The following KIAA1958 variants were observed in gnomAD, a reference collection of about 807,000 sequenced individuals.
KIAA1958 encodes KIAA1958, also known as uncharacterized protein KIAA1958.
In KIAA1958, 14 loss-of-function variants were observed where a neutral mutation model predicts 47.2. The observed-to-expected ratio is 0.30, with a 90% confidence interval of 0.20 to 0.46. The LOEUF is 0.46. Among genes scored for constraint, KIAA1958 ranks in the 20% least tolerant of loss-of-function variants. The pLI is 1.00. For missense variants in KIAA1958, 803 were observed against 909.2 expected, an observed-to-expected ratio of 0.88 and a Z score of 1.50; for synonymous variants, 354 against 353.3, an observed-to-expected ratio of 1.00 and a Z score of -0.02.
At chr9:112,640,070 T>C (rs906434100) in intron 2 of KIAA1958, among the ~76,000 whole-genome samples, 1 of 152,256 alleles carries the variant, frequency 6.6e-6, no homozygotes. Flanking sequence ...CTCTTAGTTT[T>C]CATTCATTTG....
rs1837269684 is a variant in KIAA1958 at position 112,661,086 on chromosome 9, A to T, written c.*1017A>T. ...AAACACAGATCCCCAAACTTTCTTT[A>T]TTAAAGAGATTTGGAATATTTTTGT... is the stretch of plus-strand genomic sequence containing the variant. On this transcript the variant is annotated 3_prime_UTR_variant, in exon 4 of 4. Transcript: ENST00000337530. 6.6e-6 allele frequency: 1 copy of T among 152,228 alleles called. No homozygotes were observed. The highest frequency in any genetic ancestry group is 1.5e-5 in the Non-Finnish European group (1 of 68,036). 9.4% of individuals were successfully genotyped at this position (152,228 alleles called of 1,614,324 possible).
chr9:112,556,045 C>T (rs1266234539), intron 1 of KIAA1958, among the ~76,000 whole-genome samples: 1 of 152,178 alleles, frequency 6.6e-6, no homozygotes, highest in Non-Finnish European at 1.5e-5. Flanking sequence ...CCATTGCACA[C>T]TCCAGCCTGG....
chr9:112,604,548 T>C (rs1020190331), intron 2 of KIAA1958, among the ~76,000 whole-genome samples: 3 of 152,196 alleles, frequency 2.0e-5, no homozygotes, highest in African/African-American at 4.8e-5. Flanking sequence ...TAAGAGAATC[T>C]ATCCAGTCTT....
chr9:112,652,042 T>C (rs1033847893), intron 3 of KIAA1958, among the ~76,000 whole-genome samples: 11 of 152,054 alleles, frequency 7.2e-5, no homozygotes, highest in African/African-American at 2.7e-4. Flanking sequence ...AATTTTTAAA[T>C]TTTTTTAGAC....
chr9:112,508,044 T>C (rs1257964162), intron 1 of KIAA1958, among the ~76,000 whole-genome samples: 6 of 152,232 alleles, frequency 3.9e-5, no homozygotes, highest in African/African-American at 1.2e-4. Flanking sequence ...CCTATAATTT[T>C]GTATACATTT....
At chr9:112,510,385 C>A (rs991872020) in intron 1 of KIAA1958, among the ~76,000 whole-genome samples, 3 of 152,178 alleles carry the variant, frequency 2.0e-5, no homozygotes, top group Non-Finnish European at 4.4e-5. Flanking sequence ...TCTGGGAGCC[C>A]AATTCTTCCA....
chr9:112,664,076 G>C lies in KIAA1958; in HGVS notation c.*4007G>C, dbSNP rs1267757727. 6.6e-6 allele frequency: 1 copy of C among 152,250 alleles called. No individual in the cohort carries two copies. Among genetic ancestry groups the C allele is most frequent in the African/African-American group, 2.4e-5 (1 of 41,464 alleles). 9.4% of individuals were successfully genotyped at this position (152,250 alleles called of 1,614,324 possible). A position where few individuals can be genotyped will look rare whatever the true frequency, so the allele number is the denominator to read the frequency against. ...ATGGATCGTCTTCACGGTGAACCGT[G>C]TTACACTTCTGCAATTCCTCAAGTT... On this transcript the variant is annotated 3_prime_UTR_variant, in exon 4 of 4. Coordinates refer to ENST00000337530, the MANE Select transcript of KIAA1958 (RefSeq NM_133465.4).
Position 112,601,943 on chromosome 9 carries a change from T to TAC in KIAA1958, c.1171+26693_1171+26694insCA, listed in dbSNP as rs1186381881. ...ATTTTAGAGCTCCTGAACATGTATG[T>TAC]AAGAAATGTGTTTTACTTCCACTAT... On this transcript the variant is annotated intron_variant, in intron 2 of 3. Coordinates refer to ENST00000337530, the MANE Select transcript of KIAA1958 (RefSeq NM_133465.4). Among the ~76,000 whole-genome samples, 44 of 152,284 alleles carry TAC rather than the reference T, an allele frequency of 2.9e-4. No individual in the cohort carries two copies. The East Asian group carries it at 7.5e-3, about 26-fold the overall frequency.
intron 2 of KIAA1958, among the ~76,000 whole-genome samples, chr9:112,593,869 G>GTTTTGTT (rs1200675384): frequency 6.6e-6 from 1 of 151,666 alleles, no homozygotes; most frequent in African/African-American, 2.4e-5. Context: ...GTTTTGTTTT[G>GTTTTGTT]TTTTGTTTTT....
chr9:112,624,251 G>T (rs1027200995), intron 2 of KIAA1958, among the ~76,000 whole-genome samples: 1 of 152,232 alleles, frequency 6.6e-6, no homozygotes, highest in Non-Finnish European at 1.5e-5. Flanking sequence ...ATATGTCTCT[G>T]TACATCTACC....
At chr9:112,519,826 A>G (rs568255243) in intron 1 of KIAA1958, among the ~76,000 whole-genome samples, 103 of 152,350 alleles carry the variant, frequency 6.8e-4, no homozygotes, top group African/African-American at 2.2e-3. Context: ...ATCAGTAACT[A>G]TATGGTATTA....
intron 2 of KIAA1958, among the ~76,000 whole-genome samples, chr9:112,610,750 G>A (rs1836314032): frequency 6.6e-6 from 1 of 152,108 alleles, no homozygotes; most frequent in Non-Finnish European, 1.5e-5. Context: ...CTTTCAAATC[G>A]TTTTCTTATG....
intron 1 of KIAA1958, among the ~76,000 whole-genome samples, chr9:112,510,656 C>G (rs534660469): frequency 1.3e-5 from 2 of 152,154 alleles, no homozygotes; most frequent in Non-Finnish European, 2.9e-5. Flanking sequence ...TACCTCTCTT[C>G]TACTCAAATT....
At chr9:112,610,657 A>G (rs566659364) in intron 2 of KIAA1958, among the ~76,000 whole-genome samples, 4 of 152,078 alleles carry the variant, frequency 2.6e-5, no homozygotes, top group South Asian at 4.1e-4. Context: ...TCTCCTCACA[A>G]CCCCTCCAGG....
chr9:112,637,526 C>T (rs548844082), intron 2 of KIAA1958, among the ~76,000 whole-genome samples: 11 of 152,040 alleles, frequency 7.2e-5, no homozygotes, highest in African/African-American at 1.7e-4. Context: ...TACAGGTGCC[C>T]GTGACCACGC....
At chr9:112,494,751 A>G (rs1428026955) in intron 1 of KIAA1958, among the ~76,000 whole-genome samples, 1 of 152,076 alleles carries the variant, frequency 6.6e-6, no homozygotes, top group Non-Finnish European at 1.5e-5. Context: ...TACAGGTGTG[A>G]GCCACCGTAT....
chr9:112,644,934 G>A (rs1319812192), intron 2 of KIAA1958, among the ~76,000 whole-genome samples: 1 of 152,132 alleles, frequency 6.6e-6, no homozygotes, highest in Non-Finnish European at 1.5e-5. Context: ...TCAGCAGCTT[G>A]AGACCAGCCT....
rs148817043 is a variant in KIAA1958, at chr9:112,659,719, G to T, written c.1801G>T (p.Val601Phe). ...GCCCTACTTTGCCCGGACGGACAGC[G>T]TCAAGCGGGAGAGTCGGAGCGGCTC... ...NQPYFARTDS[V>F]KRESRSGSTR... The change falls in exon 4 of 4, where the codon GTC becomes TTC. Residue 601 changes from valine (V) to phenylalanine (F), a missense_variant. This residue lies in a region of KIAA1958 where 761 missense variants were observed against 829.3 expected (regional missense o/e 0.92). Coordinates refer to ENST00000337530, the MANE Select transcript of KIAA1958 (RefSeq NM_133465.4). The T allele has an allele frequency of 6.2e-7, 1 of 1,614,070 alleles. No homozygotes were observed. Among genetic ancestry groups the T allele is most frequent in the Non-Finnish European group, 8.5e-7 (1 of 1,180,044 alleles).
chr9:112,618,492 GA>G lies in KIAA1958; in HGVS notation c.1172-27157del. ...GGAGACTTGAATGCCAAAACCAAGA[GA>G]GGGGGGACAGACTCCCGTGTGTATG... On this transcript the variant is annotated intron_variant, in intron 2 of 3. Transcript: ENST00000337530. This position sits in a 1 kb window ranked among gnomAD's most constrained non-coding sequence, Gnocchi z 7.1. 1.9e-6 allele frequency: 3 copies of G among 1,550,758 alleles called. No homozygotes were observed. Among genetic ancestry groups the G allele is most frequent in the Non-Finnish European group, 2.6e-6 (3 of 1,147,028 alleles).
Sources: allele counts gnomAD v4.1 joint callset (sites outside exome capture counted in the v4.1 genomes callset), GRCh38; gene constraint gnomAD v4.1.1; regional missense constraint gnomAD v4.1.1; non-coding constraint Gnocchi (gnomAD v3.1); transcripts MANE v1.5; gene names NCBI Gene and HGNC (gene_info 2026-07-23, HGNC 2026-07-21).